SENP8: variants seen among roughly 807,000 people sequenced by gnomAD.
The protein encoded by SENP8 is sentrin-specific protease 8.
A neutral mutation model predicts 14.4 loss-of-function variants in SENP8; 10 were observed. The ratio of observed to expected loss-of-function variants is 0.69; its 90% CI spans 0.43 to 1.18. The LOEUF (loss-of-function observed/expected upper bound fraction) is 1.18, where lower values mean the gene tolerates loss of function less well. Ranked by LOEUF, SENP8 falls within the 50% of genes most tolerant of loss-of-function variation. The pLI, the probability that SENP8 is intolerant of heterozygous loss-of-function variation, is 0.00. For synonymous variants in SENP8, 94 were observed against 95.5 expected, an observed-to-expected ratio of 0.98 and a Z score of 0.09; for missense variants, 202 against 249.4, an observed-to-expected ratio of 0.81 and a Z score of 1.28.
chr15:72,121,585 T>G (rs1291439369), intron 1 of SENP8, among the ~76,000 whole-genome samples: 1 of 149,358 alleles, frequency 6.7e-6, no homozygotes, highest in Non-Finnish European at 1.5e-5. Context: ...AAAAGAAAAT[T>G]AGCCAGACAT....
At chr15:72,122,413 C>T (rs1002246298) in intron 1 of SENP8, among the ~76,000 whole-genome samples, 7 of 152,182 alleles carry the variant, frequency 4.6e-5, no homozygotes, top group African/African-American at 1.7e-4. Context: ...AAGGCCCAGG[C>T]AACCCATCTC....
intron 1 of SENP8, among the ~76,000 whole-genome samples, chr15:72,137,986 A>C (rs1260925793): frequency 6.6e-6 from 1 of 152,120 alleles, no homozygotes; most frequent in Non-Finnish European, 1.5e-5. Context: ...AAAAAAAGAA[A>C]AAGAAAATTA....
intron 1 of SENP8, among the ~76,000 whole-genome samples, chr15:72,138,477 G>A (rs1302349538): frequency 6.6e-6 from 1 of 151,144 alleles, no homozygotes; most frequent in Non-Finnish European, 1.5e-5. Context: ...AGCCTTTCGA[G>A]TAGCTGGGAT....
At chr15:72,131,459 T>C (rs2081272973) in intron 1 of SENP8, among the ~76,000 whole-genome samples, 1 of 152,238 alleles carries the variant, frequency 6.6e-6, no homozygotes, top group Admixed American at 6.5e-5. Context: ...ATGACTCCTA[T>C]TGAATTGTGA....
chr15:72,123,660 C>T (rs959732581), intron 1 of SENP8, among the ~76,000 whole-genome samples: 6 of 152,004 alleles, frequency 3.9e-5, no homozygotes, highest in Admixed American at 3.3e-4. Context: ...CCTGCCTCAG[C>T]CTCCCGAGTA....
intron 1 of SENP8, among the ~76,000 whole-genome samples, chr15:72,118,886 A>G (rs1164239146): frequency 2.6e-5 from 4 of 152,194 alleles, no homozygotes; most frequent in African/African-American, 9.7e-5. Context: ...TAACGTGAGG[A>G]AGCCCTTTCC....
In SENP8 at chr15:72,141,188, T is replaced by G. The variant is rs2081377393; in HGVS notation, c.*926T>G. The G allele has an allele frequency of 6.6e-6, 1 of 152,266 alleles. No individual in the cohort carries two copies. The highest frequency in any genetic ancestry group is 6.5e-5 in the Admixed American group (1 of 15,282). The allele number at this position is 152,266 out of a possible 1,614,324, so 9.4% of individuals were successfully genotyped here. Reference sequence around the variant, plus strand: ...CTCTCTGTCCTTAATTCTGGCAGAATTGTTTTTAGTTATGTCATGGTAATT... The same window carrying G: ...CTCTCTGTCCTTAATTCTGGCAGAAGTGTTTTTAGTTATGTCATGGTAATT... On this transcript the variant is annotated 3_prime_UTR_variant, in exon 2 of 2. Transcript: ENST00000340912.
At chr15:72,117,426 G>C (rs1218326837), upstream of SENP8, among the ~76,000 whole-genome samples, 1 of 152,164 alleles carries the variant, frequency 6.6e-6, no homozygotes, top group African/African-American at 2.4e-5. Context: ...GGGTCTGCTG[G>C]GTTGGGGGGA....
intron 1 of SENP8, among the ~76,000 whole-genome samples, chr15:72,138,039 T>C (rs1173335427): frequency 1.3e-5 from 2 of 152,220 alleles, no homozygotes; most frequent in Non-Finnish European, 2.9e-5. Flanking sequence ...TAGTAACTTT[T>C]TAGATTCTTT....
chr15:72,131,773 A>G (rs2081275960), intron 1 of SENP8, among the ~76,000 whole-genome samples: 1 of 152,222 alleles, frequency 6.6e-6, no homozygotes, highest in Admixed American at 6.5e-5. Flanking sequence ...TGGACTTAGC[A>G]TTCTCTCTCT....
chr15:72,127,877 A>G (rs1294648982), intron 1 of SENP8, among the ~76,000 whole-genome samples: 1 of 152,178 alleles, frequency 6.6e-6, no homozygotes, highest in African/African-American at 2.4e-5. Flanking sequence ...TGAAGACAAT[A>G]GAAAACTCTG....
chr15:72,126,307 G>A (rs1426336400), intron 1 of SENP8, among the ~76,000 whole-genome samples: 1 of 152,118 alleles, frequency 6.6e-6, no homozygotes, highest in Non-Finnish European at 1.5e-5. Context: ...AGTGGCTACT[G>A]TATTGAACAT....
chr15:72,135,350 C>T (rs988324911), intron 1 of SENP8: 2 of 151,902 alleles, frequency 1.3e-5, no homozygotes, highest in African/African-American at 2.4e-5. Context: ...GTGTGAGCCA[C>T]CATGCCCAGC....
At chr15:72,116,190 G>C (rs1596623040), upstream of SENP8, among the ~76,000 whole-genome samples, 1 of 152,270 alleles carries the variant, frequency 6.6e-6, no homozygotes, top group East Asian at 1.9e-4. Context: ...AGGCGGAACA[G>C]AAATTTTTAC....
At chr15:72,137,048 A>G (rs2081334180) in intron 1 of SENP8, among the ~76,000 whole-genome samples, 1 of 152,106 alleles carries the variant, frequency 6.6e-6, no homozygotes, top group Admixed American at 6.5e-5. Flanking sequence ...GTGAATGGAT[A>G]TTTGTTTTCA....
intron 1 of SENP8, among the ~76,000 whole-genome samples, chr15:72,138,481 C>T (rs1862877413): frequency 6.6e-6 from 1 of 151,500 alleles, no homozygotes; most frequent in Admixed American, 6.6e-5. Flanking sequence ...TTTCGAGTAG[C>T]TGGGATTACA....
In SENP8 at chr15:72,139,712, A is replaced by G; in HGVS notation, c.89A>G (p.His30Arg). 1.9e-6 allele frequency: 3 copies of G among 1,614,194 alleles called. No homozygotes were observed. Among genetic ancestry groups the G allele is most frequent in the South Asian group, 2.2e-5 (2 of 91,080 alleles). The stretch of plus-strand genomic sequence containing the variant: ...GATCCGCCAAGCTGGCTCAATGACC[A>G]TATTATTGGGTTTGCGTTTGAGTAC... Reference protein sequence around the residue: ...LLDPPSWLNDHIIGFAFEYFA... With the variant: ...LLDPPSWLNDRIIGFAFEYFA... The change falls in exon 2 of 2, where the codon CAT becomes CGT. Residue 30 changes from histidine to arginine, a missense_variant. Coordinates refer to ENST00000340912, the MANE Select transcript of SENP8 (RefSeq NM_145204.4).
At chr15:72,125,231 A>T (rs2081205382) in intron 1 of SENP8, among the ~76,000 whole-genome samples, 1 of 152,168 alleles carries the variant, frequency 6.6e-6, no homozygotes, top group African/African-American at 2.4e-5. Context: ...GCTTGCATGT[A>T]TGACAGTCCT....
intron 1 of SENP8, among the ~76,000 whole-genome samples, chr15:72,130,976 C>T (rs978753410): frequency 6.6e-6 from 1 of 152,132 alleles, no homozygotes; most frequent in Non-Finnish European, 1.5e-5. Context: ...ACTTAGACAT[C>T]AGAATAACTT....
Sources: allele counts gnomAD v4.1 joint callset (sites outside exome capture counted in the v4.1 genomes callset), GRCh38; gene constraint gnomAD v4.1.1; transcripts MANE v1.5; gene names NCBI Gene and HGNC (gene_info 2026-07-23, HGNC 2026-07-21).